The following ZNF469 variants were observed in gnomAD, a reference collection of about 807,000 sequenced individuals.
The protein encoded by ZNF469 is zinc finger protein 469.
A neutral mutation model predicts 1.0 loss-of-function variants in ZNF469; 1 was observed. That is an observed-to-expected ratio of 1.00 (90% CI 0.35 to 4.73). ZNF469 has a LOEUF of 4.73. Among genes scored for constraint, ZNF469 ranks in the 30% most tolerant of loss-of-function variants. The pLI is 0.16. For synonymous variants in ZNF469, 2,703 were observed against 2,363.4 expected (o/e 1.14, Z -4.17); for missense variants, 6,100 against 5,356.3 (o/e 1.14, Z -4.33).
At chr16:88,169,161 G>T in the ZNF469 span, among the ~76,000 whole-genome samples, 3 of 152,172 alleles carry the variant, frequency 2.0e-5, no homozygotes, top group Non-Finnish European at 4.4e-5. This position sits in a 1 kb window ranked among gnomAD's most constrained non-coding sequence, Gnocchi z 6.1. Flanking sequence ...CCCAGCTCAC[G>T]CATGACTGCC....
chr16:88,369,891 T>C, the ZNF469 span, among the ~76,000 whole-genome samples: 1 of 152,194 alleles, frequency 6.6e-6, no homozygotes, highest in Non-Finnish European at 1.5e-5. Flanking sequence ...GAAACCACAG[T>C]GTCCGCTCCT....
At chr16:88,268,995 C>T in the ZNF469 span, among the ~76,000 whole-genome samples, 5 of 152,052 alleles carry the variant, frequency 3.3e-5, no homozygotes, top group Admixed American at 2.0e-4. Flanking sequence ...CACGGGCTGC[C>T]GGGAGGAGAG....
chr16:88,206,482 T>C, the ZNF469 span, among the ~76,000 whole-genome samples: 7 of 152,156 alleles, frequency 4.6e-5, no homozygotes. Flanking sequence ...ATGGGAAAAC[T>C]TCCATGATCG....
At chr16:88,310,131 G>A in the ZNF469 span, among the ~76,000 whole-genome samples, 1 of 152,180 alleles carries the variant, frequency 6.6e-6, no homozygotes, top group African/African-American at 2.4e-5. Flanking sequence ...AAGCCAATGG[G>A]GAGGGAAGGG....
At chr16:88,177,949 G>A in the ZNF469 span, 1 of 152,240 alleles carries the variant, frequency 6.6e-6, no homozygotes, top group African/African-American at 2.4e-5. The surrounding 1 kb of genome is among the most constrained non-coding windows in gnomAD (Gnocchi z 4.8). Context: ...GACCTCAGGT[G>A]ATCCACCCGC....
the ZNF469 span, among the ~76,000 whole-genome samples, chr16:88,158,766 G>C: frequency 6.6e-6 from 1 of 152,226 alleles, no homozygotes; most frequent in South Asian, 2.1e-4. Flanking sequence ...CTGGCGGGAA[G>C]CCAGGCCGAG....
the ZNF469 span, among the ~76,000 whole-genome samples, chr16:88,320,338 C>T: frequency 3.9e-5 from 6 of 152,114 alleles, no homozygotes; most frequent in Non-Finnish European, 8.8e-5. Context: ...TGAGGCCTTG[C>T]GTCTTCATCA....
chr16:88,391,596 C>T (rs1182692666), intron 1 of ZNF469, among the ~76,000 whole-genome samples: 2 of 152,230 alleles, frequency 1.3e-5, no homozygotes, highest in African/African-American at 2.4e-5. Flanking sequence ...GGATCGGGAG[C>T]CTCTGACCTG....
At chr16:88,109,340 C>T in the ZNF469 span, among the ~76,000 whole-genome samples, 4 of 152,244 alleles carry the variant, frequency 2.6e-5, no homozygotes, top group South Asian at 6.2e-4. Context: ...TTCCACACCC[C>T]TGCAGGTGTT....
At position 88,437,702 on chromosome 16, in the gene ZNF469, T is replaced by C. The variant is rs1906693836; in HGVS notation, c.10232T>C (p.Met3411Thr). The C allele has an allele frequency of 1.3e-6, 2 of 1,549,814 alleles. No individual in the cohort carries two copies. Among genetic ancestry groups the C allele is most frequent in the East Asian group, 4.9e-5 (2 of 40,888 alleles). Residue 3411 changes from methionine (M) to threonine (T), a missense_variant, in exon 3 of 3, where the codon ATG (methionine) becomes ACG (threonine). Coordinates refer to ENST00000565624, the MANE Select transcript of ZNF469 (RefSeq NM_001367624.2). ...GCCTGCGAGCTCTGCGCCACGGTTATGCGCATCATCAAGAAGTCCTTCGCC... is the reference window on the plus strand; with the variant it reads ...GCCTGCGAGCTCTGCGCCACGGTTACGCGCATCATCAAGAAGTCCTTCGCC... The part of the protein sequence containing the change: ...LYACELCATV[M>T]RIIKKSFACS...
chr16:88,428,631 C>T lies in ZNF469; in HGVS notation c.1161C>T (p.Ala387=). The change falls in exon 3 of 3, where the codon GCC becomes GCT. Residue 387 remains alanine (A), a synonymous_variant. Coordinates refer to ENST00000565624, the MANE Select transcript of ZNF469 (RefSeq NM_001367624.2). Reference sequence around the variant, plus strand: ...TCCTTCCCGAAAGACCACCTTCAGCCCAGGATGGGCTGGGGAGCACGAGAG... The same window carrying T: ...TCCTTCCCGAAAGACCACCTTCAGCTCAGGATGGGCTGGGGAGCACGAGAG... ...TKILPERPPS[A]QDGLGSTRGP... 1.9e-6 allele frequency: 3 copies of T among 1,550,224 alleles called. No homozygotes were observed. Among genetic ancestry groups the T allele is most frequent in the Non-Finnish European group, 2.6e-6 (3 of 1,146,880 alleles).
intron 1 of ZNF469, among the ~76,000 whole-genome samples, chr16:88,395,806 G>A (rs928752445): frequency 2.6e-5 from 4 of 152,218 alleles, no homozygotes; most frequent in Non-Finnish European, 5.9e-5. Flanking sequence ...CATGCGGGGT[G>A]CACATGGCCC....
At chr16:88,151,012 T>C in the ZNF469 span, among the ~76,000 whole-genome samples, 1 of 152,158 alleles carries the variant, frequency 6.6e-6, no homozygotes, top group African/African-American at 2.4e-5. The surrounding 1 kb of genome is among the most constrained non-coding windows in gnomAD (Gnocchi z 5.4). Context: ...TTATGTATAA[T>C]TTACGACTCA....
rs1187845779 is a variant in ZNF469 at position 88,429,326 on chromosome 16, G to T, written c.1856G>T (p.Ser619Ile). Residue 619 changes from serine (S) to isoleucine (I), a missense_variant, in exon 3 of 3, where the codon AGC becomes ATC. Coordinates refer to ENST00000565624, the MANE Select transcript of ZNF469 (RefSeq NM_001367624.2). Reference sequence around the variant, plus strand: ...ATGTCCAGCAGCCCAGCCAACCCCAGCTCAGAGGAAAGCCAGCTCCCCGGC... The same window carrying T: ...ATGTCCAGCAGCCCAGCCAACCCCATCTCAGAGGAAAGCCAGCTCCCCGGC... ...SPMSSSPANP[S>I]SEESQLPGPL... The T allele has an allele frequency of 2.3e-5, 36 of 1,549,798 alleles. No individual in the cohort carries two copies. The highest frequency in any genetic ancestry group is 3.0e-5 in the Non-Finnish European group (34 of 1,146,860).
At chr16:88,217,662 A>G in the ZNF469 span, among the ~76,000 whole-genome samples, 6 of 112,584 alleles carry the variant, frequency 5.3e-5, no homozygotes, top group Admixed American at 9.8e-5. Context: ...TCATTGTTCA[A>G]TTCCCACCTA....
the ZNF469 span, among the ~76,000 whole-genome samples, chr16:88,189,449 C>A: frequency 6.6e-6 from 1 of 152,176 alleles, no homozygotes; most frequent in African/African-American, 2.4e-5. The surrounding 1 kb of genome is among the most constrained non-coding windows in gnomAD (Gnocchi z 4.3). Flanking sequence ...ATTTGGACAC[C>A]TGGACATGCG....
the ZNF469 span, among the ~76,000 whole-genome samples, chr16:88,306,871 A>C: frequency 6.6e-6 from 1 of 152,200 alleles, no homozygotes. Context: ...TATACCATAA[A>C]AGTCATTCTT....
chr16:88,305,375 C>T, the ZNF469 span, among the ~76,000 whole-genome samples: 2 of 148,746 alleles, frequency 1.3e-5, no homozygotes, highest in Non-Finnish European at 3.0e-5. Flanking sequence ...CAGGCACACG[C>T]ATGCACACCC....
chr16:88,195,035 G>A, the ZNF469 span: 1 of 152,364 alleles, frequency 6.6e-6, no homozygotes, highest in African/African-American at 2.4e-5. Flanking sequence ...GCTGATGGAT[G>A]GGCTTGTCTT....
Sources: allele counts gnomAD v4.1 joint callset (sites outside exome capture counted in the v4.1 genomes callset), GRCh38; gene constraint gnomAD v4.1.1; non-coding constraint Gnocchi (gnomAD v3.1); transcripts MANE v1.5; gene names NCBI Gene and HGNC (gene_info 2026-07-23, HGNC 2026-07-21).